COL6A5: variants seen among roughly 807,000 people sequenced by gnomAD.
COL6A5 encodes collagen alpha-5(VI) chain.
COL6A5 carries 48 observed loss-of-function variants against 65.6 expected under a neutral mutation model. The observed-to-expected ratio is 0.73, with a 90% CI of 0.58 to 0.93. The LOEUF (loss-of-function observed/expected upper bound fraction) is 0.93, where lower values mean the gene tolerates loss of function less well. Ranked by LOEUF, COL6A5 falls within the 40% of genes least tolerant of loss-of-function variation. COL6A5 has a pLI of 0.00. For synonymous variants in COL6A5, 291 were observed against 322.8 expected (o/e 0.90, Z 1.05); for missense variants, 914 against 928.3 (o/e 0.98, Z 0.20).
intron 7 of COL6A5, among the ~76,000 whole-genome samples, chr3:130,476,183 C>T (rs966191041): frequency 6.6e-6 from 1 of 152,078 alleles, no homozygotes; most frequent in Non-Finnish European, 1.5e-5. Flanking sequence ...GGGCTCTCTT[C>T]CTGGCTTACA....
At chr3:130,406,058 T>C in intron 15 of COL6A5, 39 bp downstream of exon 15, 1 of 1,550,296 alleles carries the variant, frequency 6.5e-7, no homozygotes, top group Non-Finnish European at 8.7e-7. Flanking sequence ...GATTTCCAAA[T>C]GGGATTAGTT....
chr3:130,426,270 G>A, intron 30 of COL6A5, 21 bp downstream of exon 30: 3 of 1,551,228 alleles, frequency 1.9e-6, no homozygotes, highest in Non-Finnish European at 2.6e-6. Context: ...CCTTATTCAT[G>A]AAAGAAAACT....
At chr3:130,365,424 C>T (rs1012631946) in intron 1 of COL6A5, among the ~76,000 whole-genome samples, 9 of 152,160 alleles carry the variant, frequency 5.9e-5, no homozygotes, top group Admixed American at 5.9e-4. Flanking sequence ...ACTACAGGCG[C>T]CCGCTACTAC....
At chr3:130,424,958 T>C (rs1346796704) in intron 29 of COL6A5, among the ~76,000 whole-genome samples, 2 of 152,078 alleles carry the variant, frequency 1.3e-5, no homozygotes, top group Admixed American at 6.6e-5. Context: ...CAGCCTCTGC[T>C]TAAGAACTTG....
At chr3:130,395,205 G>A in exon 8 of COL6A5, 2 of 1,551,690 alleles carry the variant, frequency 1.3e-6, no homozygotes, top group East Asian at 4.9e-5. Context: ...GGTGGGAGAA[G>A]AAATGCTGGT....
chr3:130,385,443 G>A, intron 5 of COL6A5, 79 bp downstream of exon 5: 11 of 1,376,044 alleles, frequency 8.0e-6, no homozygotes, highest in Non-Finnish European at 1.1e-5. Flanking sequence ...CTGAGACAAG[G>A]CCTGATGTGA....
At chr3:130,409,430 C>T (rs762853391) in intron 18 of COL6A5, 42 bp downstream of exon 18, 307 of 1,466,872 alleles carry the variant, frequency 2.1e-4, no homozygotes, top group Middle Eastern at 8.7e-4. Flanking sequence ...TTTATACTTG[C>T]TCCACAGTTC....
Position 130,418,857 on chromosome 3 carries a change from C to T in COL6A5, c.4888-12C>T. 1 of 1,549,314 alleles carries T rather than the reference C, an allele frequency of 6.5e-7. No homozygotes were observed. Among genetic ancestry groups the T allele is most frequent in the East Asian group, 2.4e-5 (1 of 40,860 alleles). On this transcript the variant is annotated splice_polypyrimidine_tract_variant and intron_variant and NMD_transcript_variant, in intron 24 of 41. Transcript: ENST00000312481. ...TTTACTGATCTGAAGCTCTTCTTGT[C>T]CCACTTACTAGGGAGAGCCTGGACT...
chr3:130,458,634 A>C (rs748597707), intron 5 of COL6A5, among the ~76,000 whole-genome samples: 1 of 152,156 alleles, frequency 6.6e-6, no homozygotes, highest in Non-Finnish European at 1.5e-5. Flanking sequence ...ATGGAGCTGA[A>C]AACAATTGGG....
At chr3:130,437,097 C>A (rs568660865) in intron 1 of COL6A5, among the ~76,000 whole-genome samples, 1 of 152,076 alleles carries the variant, frequency 6.6e-6, no homozygotes, top group African/African-American at 2.4e-5. Flanking sequence ...CATTCTTCTA[C>A]TTGCAGTTAT....
Position 130,385,378 on chromosome 3 carries a change from A to G in COL6A5, c.1861+14A>G, listed in dbSNP as rs1369269133. On this transcript the variant is annotated intron_variant and NMD_transcript_variant, in intron 5 of 41. Transcript: ENST00000312481. The stretch of plus-strand genomic sequence containing the variant: ...GCGCTGAAAAAGGTAAGCAACACAA[A>G]AAAGGCTTTATTCTCCACATTTCAT... 4.5e-6 allele frequency: 7 copies of G among 1,544,112 alleles called. No individual in the cohort carries two copies. The highest frequency in any genetic ancestry group is 6.1e-6 in the Non-Finnish European group (7 of 1,143,712).
intron 2 of COL6A5, 44 bp from the exon 35 acceptor site, chr3:130,440,122 G>A (rs947367403): frequency 1.8e-5 from 27 of 1,490,110 alleles, no homozygotes; most frequent in Middle Eastern, 1.8e-4. Flanking sequence ...GTGTCTTGTT[G>A]GGTCAGTGTT....
At chr3:130,386,829 T>G (rs905269592) in intron 5 of COL6A5, among the ~76,000 whole-genome samples, 1 of 151,750 alleles carries the variant, frequency 6.6e-6, no homozygotes, top group Non-Finnish European at 1.5e-5. Flanking sequence ...AGGAAATGAG[T>G]CATAAAATGG....
rs1300338529 is a variant in COL6A5, at chr3:130,471,688, T to C, written c.2328+721T>C. 26 of 1,534,476 alleles carry C rather than the reference T, an allele frequency of 1.7e-5. No individual in the cohort carries two copies. In the African/African-American group the frequency reaches 2.7e-4, roughly 16 times the overall value. On this transcript the variant is annotated intron_variant, in intron 7 of 7. Coordinates refer to ENST00000512836, the Ensembl canonical transcript of COL6A5. ...CTCTTCTCTATTACCTCAGACTTCTTCCTGGGATATATGAAATAAAGACAG... is the reference window on the plus strand; with the variant it reads ...CTCTTCTCTATTACCTCAGACTTCTCCCTGGGATATATGAAATAAAGACAG...
intron 21 of COL6A5, among the ~76,000 whole-genome samples, chr3:130,413,787 G>T (rs1391053): frequency 5.3e-5 from 8 of 151,460 alleles, no homozygotes; most frequent in Non-Finnish European, 1.2e-4. Flanking sequence ...ATAGATACCT[G>T]GCAGACAGGC....
At chr3:130,383,434 C>G (rs929759427) in intron 4 of COL6A5, among the ~76,000 whole-genome samples, 4 of 152,026 alleles carry the variant, frequency 2.6e-5, no homozygotes, top group African/African-American at 7.2e-5. Flanking sequence ...TCACCACTAC[C>G]TTTCTTTTGC....
At chr3:130,475,029 A>C (rs1057450138) in intron 7 of COL6A5, among the ~76,000 whole-genome samples, 4 of 65,242 alleles carry the variant, frequency 6.1e-5, no homozygotes, top group Non-Finnish European at 1.9e-4. Flanking sequence ...AAAAAAAAAA[A>C]AGGAAAAGAA....
intron 7 of COL6A5, among the ~76,000 whole-genome samples, chr3:130,475,856 A>G (rs1710079355): frequency 6.6e-6 from 1 of 152,098 alleles, no homozygotes; most frequent in African/African-American, 2.4e-5. Flanking sequence ...GATTCCCTTT[A>G]AAACCCTTGT....
At chr3:130,440,452 A>T in exon 3 of COL6A5, 1 of 1,613,606 alleles carries the variant, frequency 6.2e-7, no homozygotes, top group Non-Finnish European at 8.5e-7. Flanking sequence ...ATGACAACCA[A>T]CTCCTAATGA....
Sources: gnomAD v4.1 joint callset for allele counts (sites outside exome capture counted in the v4.1 genomes callset) on GRCh38, gnomAD v4.1.1 for gene constraint, MANE v1.5 for transcripts, NCBI Gene and HGNC (gene_info 2026-07-23, HGNC 2026-07-21) for gene names.